Variants in ABCC5 observed in about 807,000 individuals in gnomAD.
ABCC5 encodes ATP binding cassette subfamily C member 5.
A neutral mutation model predicts 160.9 loss-of-function variants in ABCC5; 61 were observed. That is an observed-to-expected ratio of 0.38 (90% CI 0.31 to 0.47). ABCC5 has a LOEUF of 0.47. Among genes scored for constraint, ABCC5 ranks in the 20% least tolerant of loss-of-function variants. The pLI is 0.99. For synonymous variants in ABCC5, 666 were observed against 700.6 expected, an observed-to-expected ratio of 0.95 and a Z score of 0.78; for missense variants, 1,308 against 1,813.3, an observed-to-expected ratio of 0.72 and a Z score of 5.06.
intron 2 of ABCC5, among the ~76,000 whole-genome samples, chr3:183,991,947 G>T (rs1719805027): frequency 6.6e-6 from 1 of 152,232 alleles, no homozygotes; most frequent in Non-Finnish European, 1.5e-5. Flanking sequence ...TCTGTACAGA[G>T]TAGGTACAGA....
intron 2 of ABCC5, 60 bp downstream of exon 2, chr3:184,014,204 G>GA (rs954066590): frequency 6.6e-7 from 1 of 1,513,598 alleles, no homozygotes; most frequent in Admixed American, 1.9e-5. Flanking sequence ...CCCATTATAC[G>GA]AAAAAAGATG....
intron 26 of ABCC5, among the ~76,000 whole-genome samples, chr3:183,936,551 T>C (rs1713738343): frequency 6.6e-6 from 1 of 151,806 alleles, no homozygotes; most frequent in African/African-American, 2.4e-5. Flanking sequence ...TCTGTCACCC[T>C]GGCTACAGTG....
chr3:183,957,474 G>A, intron 17 of ABCC5, among the ~76,000 whole-genome samples: 1 of 103,240 alleles, frequency 9.7e-6, no homozygotes, highest in Middle Eastern at 7.6e-3. Context: ...GTGTGTATAT[G>A]ACATCAGTTA....
At chr3:183,974,702 CT>C in intron 10 of ABCC5, among the ~76,000 whole-genome samples, 1 of 152,206 alleles carries the variant, frequency 6.6e-6, no homozygotes, top group Non-Finnish European at 1.5e-5. Flanking sequence ...TCTGTATTTG[CT>C]AGAGCAAGCC....
chr3:183,973,027 T>C (rs1254835538), intron 10 of ABCC5, among the ~76,000 whole-genome samples: 2 of 150,788 alleles, frequency 1.3e-5, no homozygotes, highest in African/African-American at 4.9e-5. Flanking sequence ...GCCCAGGATT[T>C]TCCCGTAAGA....
intron 17 of ABCC5, among the ~76,000 whole-genome samples, chr3:183,953,954 T>C (rs1321009876): frequency 1.3e-5 from 2 of 152,206 alleles, no homozygotes; most frequent in Non-Finnish European, 2.9e-5. Flanking sequence ...TGTGTCTGAC[T>C]TCTGTTGGGC....
intron 5 of ABCC5, chr3:183,985,139 G>T: frequency 1.4e-6 from 1 of 704,406 alleles, no homozygotes; most frequent in East Asian, 2.7e-5. Flanking sequence ...CATTTTTTAG[G>T]GGATAAAGAA....
At chr3:183,959,927 G>T in intron 16 of ABCC5, 92 bp from the exon 17 acceptor site, 1 of 846,078 alleles carries the variant, frequency 1.2e-6, no homozygotes, top group Non-Finnish European at 1.8e-6. Flanking sequence ...CAATTAAACT[G>T]CTATTACTGA....
chr3:184,009,133 G>A (rs1367669290), intron 2 of ABCC5, among the ~76,000 whole-genome samples: 1 of 152,158 alleles, frequency 6.6e-6, no homozygotes, highest in Non-Finnish European at 1.5e-5. Flanking sequence ...CCACAGTGCT[G>A]GGACTACAGG....
rs1400311613 is a variant in ABCC5 at position 183,950,251 on chromosome 3, T to C, written c.2945-126A>G. Reference sequence around the variant, plus strand: ...TTTGTGATGTTGTCTTTAAACAGTCTGATCAAAGAAAAATTTAGAAACCTG... The same window carrying C: ...TTTGTGATGTTGTCTTTAAACAGTCCGATCAAAGAAAAATTTAGAAACCTG... On this transcript the variant is annotated intron_variant, in intron 20 of 29. Transcript: ENST00000334444. The C allele has an allele frequency of 2.6e-6, 3 of 1,163,336 alleles. No homozygotes were observed. In the African/African-American group the frequency reaches 4.7e-5, roughly 18 times the overall value. 72.1% of individuals were successfully genotyped at this position (1,163,336 alleles called of 1,614,324 possible).
chr3:183,949,946 AG>A lies in ABCC5; in HGVS notation c.3098+25del. The A allele has an allele frequency of 1.2e-6, 2 of 1,614,100 alleles. No homozygotes were observed. Among genetic ancestry groups the A allele is most frequent in the Non-Finnish European group, 1.7e-6 (2 of 1,179,968 alleles). On this transcript the variant is annotated intron_variant, in intron 21 of 29. Transcript: ENST00000334444. This position sits in a 1 kb window ranked among gnomAD's most constrained non-coding sequence, Gnocchi z 4.2. ...GCAACTGAGGCTTCTCCGTGGCCCC[AG>A]CAGACATGAACGCTTCCTATTTACC...
intron 18 of ABCC5, 59 bp from the exon 19 acceptor site, chr3:183,952,062 T>G: frequency 6.4e-7 from 1 of 1,557,526 alleles, no homozygotes; most frequent in Non-Finnish European, 8.7e-7. Flanking sequence ...GAGCCCCTGC[T>G]CAGCGCCATT....
At position 183,977,121 on chromosome 3, in the gene ABCC5, GTCAA is replaced by G. The variant is rs958707731; in HGVS notation, c.1404+392_1404+395del. ...GAAAGTATCAAAAAGGATTCAGCAT[GTCAA>G]TCAATCAAAGTGACAGTAGCAAAGA... On this transcript the variant is annotated intron_variant, in intron 10 of 29. Coordinates refer to ENST00000334444, the MANE Select transcript of ABCC5 (RefSeq NM_005688.4). Among the ~76,000 whole-genome samples the G allele has an allele frequency of 3.0e-4, 46 of 152,306 alleles. No individual in the cohort carries two copies. The Middle Eastern group carries it at 0.01, about 34-fold the overall frequency.
Position 183,978,533 on chromosome 3 carries a change from C to T in ABCC5, c.1266G>A (p.Met422Ile). 6.2e-7 allele frequency: 1 copy of T among 1,614,106 alleles called. No individual in the cohort carries two copies. The highest frequency in any genetic ancestry group is 8.5e-7 in the Non-Finnish European group (1 of 1,180,008). Residue 422 changes from methionine (M) to isoleucine (I), a missense_variant, in exon 9 of 30, where the codon ATG becomes ATA. Transcript: ENST00000334444. Reference protein sequence around the residue: ...IASVVTFSVHMTLGFDLTAAQ... With the variant: ...IASVVTFSVHITLGFDLTAAQ... ...CTGCTGTCAGATCGAAGCCCAGGGT[C>T]ATATGAACAGAGAAGGTCACCACGC...
At position 183,982,734 on chromosome 3, in the gene ABCC5, G is replaced by A. The variant is rs781456118; in HGVS notation, c.825+40C>T. The A allele has an allele frequency of 6.2e-7, 1 of 1,610,070 alleles. No individual in the cohort carries two copies. The highest frequency in any genetic ancestry group is 2.2e-5 in the East Asian group (1 of 44,850). ...CCTAGAGGAATGAACCTCAAGCTAGGAAGTTGCTCTCTGCTGTGAAGCAAA... is the reference window on the plus strand; with the variant it reads ...CCTAGAGGAATGAACCTCAAGCTAGAAAGTTGCTCTCTGCTGTGAAGCAAA... On this transcript the variant is annotated intron_variant, in intron 6 of 29. Transcript: ENST00000334444. This position sits in a 1 kb window ranked among gnomAD's most constrained non-coding sequence, Gnocchi z 5.2.
intron 26 of ABCC5, among the ~76,000 whole-genome samples, chr3:183,934,978 A>T (rs1358494900): frequency 6.6e-6 from 1 of 152,152 alleles, no homozygotes; most frequent in Non-Finnish European, 1.5e-5. Context: ...CTTCCAAATG[A>T]TGATTTAAAA....
chr3:183,934,158 T>C (rs188438905), intron 26 of ABCC5, among the ~76,000 whole-genome samples: 20 of 152,004 alleles, frequency 1.3e-4, no homozygotes, highest in Non-Finnish European at 2.2e-4. Flanking sequence ...ATACAAAAAT[T>C]AGCTGGGCAT....
chr3:184,011,017 C>T lies in ABCC5; in HGVS notation c.129+3247G>A, dbSNP rs1000643465. 1.1e-4 allele frequency among the ~76,000 whole-genome samples: 16 copies of T among 152,068 alleles called. 1 individual carries two copies. The highest frequency in any genetic ancestry group is 7.2e-4 in the Admixed American group (11 of 15,268). ...TCGGCCTCCCAAAGTGCTAGGATTACGGGCGTGAGCCACCGTGCCCGGCCC... is the reference window on the plus strand; with the variant it reads ...TCGGCCTCCCAAAGTGCTAGGATTATGGGCGTGAGCCACCGTGCCCGGCCC... On this transcript the variant is annotated intron_variant, in intron 2 of 29. Coordinates refer to ENST00000334444, the MANE Select transcript of ABCC5 (RefSeq NM_005688.4).
chr3:184,002,366 G>A (rs1429448177), intron 2 of ABCC5, among the ~76,000 whole-genome samples: 8 of 150,310 alleles, frequency 5.3e-5, no homozygotes, highest in African/African-American at 2.0e-4. Context: ...ACCACTGCAC[G>A]CCAGCCTGGG....
Sources: gnomAD v4.1 joint callset for allele counts (sites outside exome capture counted in the v4.1 genomes callset) on GRCh38, gnomAD v4.1.1 for gene constraint, Gnocchi (gnomAD v3.1) non-coding constraint, MANE v1.5 for transcripts, NCBI Gene and HGNC (gene_info 2026-07-23, HGNC 2026-07-21) for gene names.